The following CYP1A2 variants were observed in gnomAD, a reference collection of about 807,000 sequenced individuals.
CYP1A2 encodes the protein cytochrome P450 1A2.
Under a neutral mutation model 34.7 loss-of-function variants are expected in CYP1A2, and 35 were observed. The ratio of observed to expected loss-of-function variants is 1.01; its 90% CI spans 0.77 to 1.34. CYP1A2 has a LOEUF of 1.34. Among genes scored for constraint, CYP1A2 ranks in the 40% most tolerant of loss-of-function variants. The pLI is 0.00. For missense variants in CYP1A2, 675 were observed against 675.8 expected, an observed-to-expected ratio of 1.00 and a Z score of 0.01; for synonymous variants, 288 against 281.9, an observed-to-expected ratio of 1.02 and a Z score of -0.22.
At position 74,751,791 on chromosome 15, in the gene CYP1A2, T is replaced by G. The variant is rs771230051; in HGVS notation, c.979T>G (p.Ser327Ala). The stretch of plus-strand genomic sequence containing the variant: ...ATTTGACACAGTCACCACAGCCATC[T>G]CCTGGAGCCTCATGTACCTTGTGAC... ...AGFDTVTTAI[S>A]WSLMYLVTKP... Residue 327 changes from serine (S) to alanine (A), a missense_variant, in exon 4 of 7, where the codon TCC (serine) becomes GCC (alanine). Physicochemically the swap from Ser to Ala is moderately conservative, Grantham distance 99. Coordinates refer to ENST00000343932, the MANE Select transcript of CYP1A2 (RefSeq NM_000761.5). 2.5e-6 allele frequency: 4 copies of G among 1,614,160 alleles called. No individual in the cohort carries two copies. Among genetic ancestry groups the G allele is most frequent in the Non-Finnish European group, 3.4e-6 (4 of 1,180,002 alleles).
chr15:74,754,427 CA>C (rs61283447), intron 6 of CYP1A2, among the ~76,000 whole-genome samples: 4,465 of 52,230 alleles, frequency 0.085, 83 homozygotes, highest in African/African-American at 0.14. Context: ...CCCGTCTCTG[CA>C]AAAAAAAAAA....
rs201551575 is a variant in CYP1A2, at chr15:74,750,007, G to T, written c.269G>T (p.Arg90Leu). The T allele has an allele frequency of 5.0e-6, 8 of 1,614,066 alleles. No homozygotes were observed. The highest frequency in any genetic ancestry group is 2.2e-5 in the East Asian group (1 of 44,878). ...TCCACGCCCGTGCTGGTGCTGAGCC[G>T]CCTGGACACCATCCGGCAGGCCCTG... ...IGSTPVLVLSRLDTIRQALVR... is the reference protein window; with the variant it reads ...IGSTPVLVLSLLDTIRQALVR... Residue 90 changes from arginine (R) to leucine (L), a missense_variant, in exon 2 of 7, where the codon CGC becomes CTC. Transcript: ENST00000343932.
intron 6 of CYP1A2, among the ~76,000 whole-genome samples, chr15:74,753,676 G>GT (rs925254504): frequency 6.6e-6 from 1 of 151,220 alleles, no homozygotes; most frequent in African/African-American, 2.4e-5. Context: ...AGAGGCTGCA[G>GT]TGAGCCGAGA....
chr15:74,752,354 TC>T, intron 5 of CYP1A2, 107 bp downstream of exon 5: 1 of 1,468,204 alleles, frequency 6.8e-7, no homozygotes, highest in South Asian at 1.3e-5. Context: ...CCGACCTCGT[TC>T]CCCACAGATC....
intron 5 of CYP1A2, among the ~76,000 whole-genome samples, chr15:74,752,972 CA>C (rs1357723086): frequency 6.7e-6 from 1 of 150,168 alleles, no homozygotes; most frequent in African/African-American, 2.5e-5. Flanking sequence ...CAGCCAGGCG[CA>C]AAGAGAAGTT....
rs931575148 is a variant in CYP1A2 at position 74,752,377 on chromosome 15, C to T, written c.1166+130C>T. The T allele has an allele frequency of 1.7e-5, 22 of 1,315,524 alleles. No homozygotes were observed. The African/African-American group carries it at 3.2e-4, about 19-fold the overall frequency. 81.5% of individuals were successfully genotyped at this position (1,315,524 alleles called of 1,614,324 possible). Reference sequence around the variant, plus strand: ...GTTCCCCACAGATCCCGGCCTCAGTCTGCCCCCATCCAGTCCAAACATAAT... The same window carrying T: ...GTTCCCCACAGATCCCGGCCTCAGTTTGCCCCCATCCAGTCCAAACATAAT... On this transcript the variant is annotated intron_variant, in intron 5 of 6. Coordinates refer to ENST00000343932, the MANE Select transcript of CYP1A2 (RefSeq NM_000761.5).
At chr15:74,751,030 G>A (rs1008507250) in intron 2 of CYP1A2, among the ~76,000 whole-genome samples, 159 bp from the exon 3 acceptor site, 3 of 152,164 alleles carry the variant, frequency 2.0e-5, no homozygotes, top group African/African-American at 7.2e-5. Flanking sequence ...ACCCAGGGCT[G>A]CTACCAGCTC....
chr15:74,754,693 C>G (rs888644625), intron 6 of CYP1A2, 98 bp from the exon 7 acceptor site: 2 of 1,218,616 alleles, frequency 1.6e-6, no homozygotes, highest in Non-Finnish European at 2.3e-6. Context: ...TCAAAGTGCC[C>G]TCACACTTGT....
In CYP1A2 at chr15:74,751,260, C is replaced by A; in HGVS notation, c.903C>A (p.Leu301=). 6.2e-7 allele frequency: 1 copy of A among 1,614,164 alleles called. No individual in the cohort carries two copies. The highest frequency in any genetic ancestry group is 8.5e-7 in the Non-Finnish European group (1 of 1,180,016). ...SKKGPRASGN[L]IPQEKIVNLV... is the part of the protein sequence containing the mutation. ...AGGGGCCTAGAGCCAGCGGCAACCT[C>A]ATCCCACAGGAGAAGATTGTCAACC... The change falls in exon 3 of 7, where the codon CTC becomes CTA. Residue 301 remains leucine (L), a synonymous_variant. Transcript: ENST00000343932.
In CYP1A2 at chr15:74,750,441, C is replaced by T. The variant is rs200328907; in HGVS notation, c.703C>T (p.Pro235Ser). The change falls in exon 2 of 7, where the codon CCC becomes TCC. Residue 235 changes from proline (P) to serine (S), a missense_variant. Pro to Ser is a moderately conservative substitution (Grantham distance 74, BLOSUM62 -1). Coordinates refer to ENST00000343932, the MANE Select transcript of CYP1A2 (RefSeq NM_000761.5). ...CGTGGAGACTGCCTCCTCCGGGAAC[C>T]CCCTGGACTTCTTCCCCATCCTTCG... ...EFVETASSGN[P>S]LDFFPILRYL... 1 of 1,614,198 alleles carries T rather than the reference C, an allele frequency of 6.2e-7. No individual in the cohort carries two copies. The highest frequency in any genetic ancestry group is 1.7e-5 in the Admixed American group (1 of 60,020).
In CYP1A2 at chr15:74,750,555, C is replaced by T; in HGVS notation, c.817C>T (p.Gln273Ter). 1 of 1,613,550 alleles carries T rather than the reference C, an allele frequency of 6.2e-7. No individual in the cohort carries two copies. Among genetic ancestry groups the T allele is most frequent in the Non-Finnish European group, 8.5e-7 (1 of 1,179,592 alleles). Residue 273 changes from glutamine (Q) to a stop codon, truncating the protein, a stop_gained, in exon 2 of 7, where the codon CAG becomes TAG. Coordinates refer to ENST00000343932, the MANE Select transcript of CYP1A2 (RefSeq NM_000761.5). LOFTEE classifies it high-confidence loss of function. ...FLQKTVQEHY[Q>*]DFDKNSVRDI... is the part of the protein sequence containing the mutation. ...GCAGAAAACAGTCCAGGAGCACTAT[C>T]AGGACTTTGACAAGGTGAGCCCGGG...
At chr15:74,750,805 G>T (rs1196851838) in intron 2 of CYP1A2, among the ~76,000 whole-genome samples, 4 of 152,146 alleles carry the variant, frequency 2.6e-5, no homozygotes, top group African/African-American at 4.8e-5. Context: ...AAAAGCCCTG[G>T]AAATGGGGCC....
chr15:74,752,299 C>G, intron 5 of CYP1A2, 52 bp downstream of exon 5: 5 of 1,603,914 alleles, frequency 3.1e-6, no homozygotes, highest in Non-Finnish European at 4.3e-6. Flanking sequence ...GCCATGTTTT[C>G]TCTTCCTGGC....
At chr15:74,749,626 C>T (rs1044757922) in intron 1 of CYP1A2, 104 bp from the exon 2 acceptor site, 1 of 982,456 alleles carries the variant, frequency 1.0e-6, no homozygotes, top group Non-Finnish European at 1.5e-6. Flanking sequence ...CAGCTGGGAG[C>T]CAAGCACAGA....
At chr15:74,752,073 T>C (rs2063318036) in intron 4 of CYP1A2, 51 bp from the exon 5 acceptor site, 2 of 1,608,702 alleles carry the variant, frequency 1.2e-6, no homozygotes, top group East Asian at 4.5e-5. Flanking sequence ...GGATAATTCA[T>C]GGGGCAGTTA....
intron 1 of CYP1A2, among the ~76,000 whole-genome samples, chr15:74,749,396 G>T (rs572865715): frequency 4.6e-5 from 7 of 152,196 alleles, no homozygotes; most frequent in Admixed American, 4.6e-4. Flanking sequence ...TGTGCCAGGG[G>T]CTGACAAGGG....
At position 74,750,012 on chromosome 15, in the gene CYP1A2, GACACCAT is replaced by G. The variant is rs780591326; in HGVS notation, c.275_281del (p.Asp92AlafsTer30). The G allele has an allele frequency of 1.2e-6, 2 of 1,614,074 alleles. No individual in the cohort carries two copies. Among genetic ancestry groups the G allele is most frequent in the Non-Finnish European group, 1.7e-6 (2 of 1,180,030 alleles). ...GCCCGTGCTGGTGCTGAGCCGCCTG[GACACCAT>G]CCGGCAGGCCCTGGTGCGGCAGGGC... On this transcript the variant is annotated frameshift_variant, in exon 2 of 7. Transcript: ENST00000343932. LOFTEE classifies it high-confidence loss of function.
intron 5 of CYP1A2, 87 bp from the exon 6 acceptor site, chr15:74,753,097 C>T (rs1247476005): frequency 9.1e-6 from 9 of 985,562 alleles, no homozygotes; most frequent in Admixed American, 5.9e-5. Flanking sequence ...TGGCGGTGGG[C>T]AGGCTGTCTG....
rs759309532 is a variant in CYP1A2, at chr15:74,749,817, G to A, written c.79G>A (p.Val27Met). 4.3e-5 allele frequency: 68 copies of A among 1,598,566 alleles called. 2 individuals carry two copies. In the Admixed American group the frequency reaches 7.5e-4, roughly 18 times the overall value. ...TGCCATCTTCTGCCTGGTATTCTGGGTGCTCAAGGGTTTGAGGCCTCGGGT... is the reference window on the plus strand; with the variant it reads ...TGCCATCTTCTGCCTGGTATTCTGGATGCTCAAGGGTTTGAGGCCTCGGGT... ...ASAIFCLVFWVLKGLRPRVPK... is the reference protein window; with the variant it reads ...ASAIFCLVFWMLKGLRPRVPK... Residue 27 changes from valine (V) to methionine (M), a missense_variant, in exon 2 of 7, where the codon GTG becomes ATG. By Grantham distance (21) the Val-to-Met change is conservative (BLOSUM62 1). Coordinates refer to ENST00000343932, the MANE Select transcript of CYP1A2 (RefSeq NM_000761.5).
Sources: allele counts gnomAD v4.1 joint callset (sites outside exome capture counted in the v4.1 genomes callset), GRCh38; gene constraint gnomAD v4.1.1; transcripts MANE v1.5; gene names NCBI Gene and HGNC (gene_info 2026-07-23, HGNC 2026-07-21).